GPATCH2: variants seen among roughly 807,000 people sequenced by gnomAD.
GPATCH2 encodes G-patch domain containing 2.
Under a neutral mutation model 58.0 loss-of-function variants are expected in GPATCH2, and 51 were observed. The observed-to-expected ratio is 0.88, with a 90% CI of 0.70 to 1.11. The LOEUF (loss-of-function observed/expected upper bound fraction) is 1.11, where lower values mean the gene tolerates loss of function less well. GPATCH2 is among the 50% of genes most tolerant of loss of function. GPATCH2 has a pLI of 0.00. For synonymous variants in GPATCH2, 222 were observed against 218.5 expected, an observed-to-expected ratio of 1.02 and a Z score of -0.14; for missense variants, 625 against 652.2, an observed-to-expected ratio of 0.96 and a Z score of 0.45.
intron 7 of GPATCH2, chr1:217,492,480 T>C (rs1404925033): frequency 6.6e-6 from 1 of 152,188 alleles, no homozygotes; most frequent in Non-Finnish European, 1.5e-5. Flanking sequence ...TATGATTATA[T>C]GCAAGACTGG....
intron 5 of GPATCH2, among the ~76,000 whole-genome samples, chr1:217,605,842 C>CATTATTCTGAGAAAT (rs1174101223): frequency 1.2e-4 from 18 of 152,236 alleles, no homozygotes; most frequent in Non-Finnish European, 2.1e-4. Context: ...ATTCTGGCAT[C>CATTATTCTGAGAAAT]ATTATTCTGA....
intron 5 of GPATCH2, chr1:217,609,497 T>C: frequency 1.0e-6 from 1 of 984,044 alleles, no homozygotes; most frequent in Non-Finnish European, 1.2e-6. Flanking sequence ...AAAACGAGGA[T>C]GATTTTTGCA....
At chr1:217,524,908 G>GA (rs1558458269) in intron 5 of GPATCH2, among the ~76,000 whole-genome samples, 1 of 5,104 alleles carries the variant, frequency 2.0e-4, no homozygotes, top group Non-Finnish European at 4.3e-4. Context: ...GGGGGAGGGG[G>GA]GAGGGGGAGG....
chr1:217,557,491 T>C (rs1354216738), intron 5 of GPATCH2, among the ~76,000 whole-genome samples: 2 of 152,286 alleles, frequency 1.3e-5, no homozygotes, highest in East Asian at 3.9e-4. Flanking sequence ...ACTTTTTTGT[T>C]CTACTTAAAA....
At position 217,630,905 on chromosome 1, in the gene GPATCH2, G is replaced by C; in HGVS notation, c.56+11C>G. ...CCCTGACCTCCCCCTCCCCAGGGCCGCCAGCCTCACCAGCTGTTCCCGGCT... is the reference window on the plus strand; with the variant it reads ...CCCTGACCTCCCCCTCCCCAGGGCCCCCAGCCTCACCAGCTGTTCCCGGCT... On this transcript the variant is annotated intron_variant, in intron 1 of 9. Transcript: ENST00000366935. 1 of 1,582,198 alleles carries C rather than the reference G, an allele frequency of 6.3e-7. No individual in the cohort carries two copies. The highest frequency in any genetic ancestry group is 8.6e-7 in the Non-Finnish European group (1 of 1,168,662).
chr1:217,553,252 T>C (rs1351790153), intron 5 of GPATCH2, among the ~76,000 whole-genome samples: 1 of 152,166 alleles, frequency 6.6e-6, no homozygotes, highest in Non-Finnish European at 1.5e-5. Flanking sequence ...TATCAGTAGC[T>C]AAATTTGCAA....
In GPATCH2 at chr1:217,427,431, A is replaced by G. The variant is rs1309625146; in HGVS notation, c.*3714T>C. On this transcript the variant is annotated 3_prime_UTR_variant, in exon 10 of 10. Coordinates refer to ENST00000366935, the MANE Select transcript of GPATCH2 (RefSeq NM_018040.5). The stretch of plus-strand genomic sequence containing the variant: ...AAATGATAATTGTCAATGGGTACTC[A>G]TTTAAACCAATTTTTAAAGTACTTT... The G allele has an allele frequency of 1.3e-5, 2 of 152,144 alleles. No individual in the cohort carries two copies. The highest frequency in any genetic ancestry group is 2.9e-5 in the Non-Finnish European group (2 of 67,984). 9.4% of individuals were successfully genotyped at this position (152,144 alleles called of 1,614,324 possible).
At chr1:217,496,923 G>GT (rs1363620527) in intron 7 of GPATCH2, among the ~76,000 whole-genome samples, 1 of 151,970 alleles carries the variant, frequency 6.6e-6, no homozygotes. Flanking sequence ...GCACATCAAA[G>GT]TTTAAGTAAA....
intron 8 of GPATCH2, among the ~76,000 whole-genome samples, chr1:217,456,119 C>T (rs567456837): frequency 3.9e-5 from 6 of 152,216 alleles, no homozygotes; most frequent in African/African-American, 1.2e-4. Context: ...CCGAATTCTT[C>T]CTGGGTGCTG....
intron 5 of GPATCH2, among the ~76,000 whole-genome samples, chr1:217,551,073 G>T (rs1665336664): frequency 6.6e-6 from 1 of 150,562 alleles, no homozygotes; most frequent in African/African-American, 2.4e-5. Context: ...AATCATTCAA[G>T]AAGCTTTAAA....
chr1:217,492,302 A>G (rs1173763003), intron 7 of GPATCH2, among the ~76,000 whole-genome samples: 1 of 152,184 alleles, frequency 6.6e-6, no homozygotes, highest in Non-Finnish European at 1.5e-5. Context: ...TTGGCTTGGA[A>G]ATATATAATT....
intron 3 of GPATCH2, among the ~76,000 whole-genome samples, chr1:217,612,817 T>C (rs1001933462): frequency 2.6e-5 from 4 of 152,170 alleles, no homozygotes; most frequent in Non-Finnish European, 2.9e-5. Context: ...GTCTGTAACA[T>C]CAGGAAAGTT....
chr1:217,531,256 T>C (rs1664175646), intron 5 of GPATCH2, among the ~76,000 whole-genome samples: 1 of 152,226 alleles, frequency 6.6e-6, no homozygotes, highest in Non-Finnish European at 1.5e-5. Context: ...TATAATAATA[T>C]GTTTCTCAAA....
intron 8 of GPATCH2, among the ~76,000 whole-genome samples, chr1:217,482,701 T>TA (rs1001471967): frequency 1.2e-4 from 18 of 151,514 alleles, no homozygotes; most frequent in East Asian, 1.9e-4. Flanking sequence ...AGATTTTATT[T>TA]AAAAAAAAAT....
At position 217,513,087 on chromosome 1, in the gene GPATCH2, C is replaced by T. The variant is rs573147964; in HGVS notation, c.1166+1735G>A. 9.2e-5 allele frequency among the ~76,000 whole-genome samples: 14 copies of T among 152,194 alleles called. 1 individual carries two copies. In the East Asian group the frequency reaches 2.7e-3, roughly 29 times the overall value. ...GGCAGAAGGCCTGAGGTCAGGAGTT[C>T]GAGACCAGCCTAGCCAACACGGGGA... On this transcript the variant is annotated intron_variant, in intron 6 of 9. Coordinates refer to ENST00000366935, the MANE Select transcript of GPATCH2 (RefSeq NM_018040.5).
At chr1:217,599,278 C>T (rs1397187190) in intron 5 of GPATCH2, among the ~76,000 whole-genome samples, 1 of 152,138 alleles carries the variant, frequency 6.6e-6, no homozygotes, top group African/African-American at 2.4e-5. Flanking sequence ...AGCATAACCA[C>T]ACTTTAGAAA....
rs1036078038 is a variant in GPATCH2, at chr1:217,618,511, A to T, written c.773+1272T>A. 3.2e-4 allele frequency among the ~76,000 whole-genome samples: 49 copies of T among 152,234 alleles called. 1 individual carries two copies. Among genetic ancestry groups the T allele is most frequent in the African/African-American group, 1.0e-3 (42 of 41,548 alleles). The stretch of plus-strand genomic sequence containing the variant: ...GCATGAGCCGCCATGCTCAGCCACA[A>T]TTTTTTAATGTAAGTAATTTTTACT... On this transcript the variant is annotated intron_variant, in intron 2 of 9. Transcript: ENST00000366935.
intron 8 of GPATCH2, among the ~76,000 whole-genome samples, chr1:217,478,993 G>GA (rs757703900): frequency 1.6e-4 from 23 of 147,232 alleles, no homozygotes; most frequent in East Asian, 4.0e-4. Flanking sequence ...AATGCTAAAG[G>GA]AAAAAAAAAA....
chr1:217,514,990 G>A (rs1252741081), intron 5 of GPATCH2, 101 bp from the exon 6 acceptor site: 1 of 668,962 alleles, frequency 1.5e-6, no homozygotes, highest in African/African-American at 1.8e-5. Context: ...CTCTAAAATG[G>A]AGAATACAAG....
Sources: allele counts gnomAD v4.1 joint callset (sites outside exome capture counted in the v4.1 genomes callset), GRCh38; gene constraint gnomAD v4.1.1; transcripts MANE v1.5; gene names NCBI Gene and HGNC (gene_info 2026-07-23, HGNC 2026-07-21).